PLA2G4E: variants seen among roughly 807,000 people sequenced by gnomAD.
The protein encoded by PLA2G4E is cytosolic phospholipase A2 epsilon.
PLA2G4E carries 84 observed loss-of-function variants against 109.1 expected under a neutral mutation model. The observed-to-expected ratio is 0.77, with a 90% CI of 0.65 to 0.92. PLA2G4E has a LOEUF of 0.92. Among genes scored for constraint, PLA2G4E ranks in the 40% least tolerant of loss-of-function variants. The probability of loss-of-function intolerance (pLI) is 0.00; values close to 1 mark genes in which losing one functional copy is unlikely to be tolerated. For synonymous variants in PLA2G4E, 469 were observed against 436.1 expected (o/e 1.08, Z -0.94); for missense variants, 1,057 against 1,076.6 (o/e 0.98, Z 0.25).
intron 2 of PLA2G4E, 98 bp downstream of exon 2, chr15:42,013,587 A>C: frequency 9.6e-7 from 1 of 1,038,476 alleles, no homozygotes. Context: ...GTGCGCGCGC[A>C]CACACACACA....
At chr15:41,990,747 T>TTC (rs2068233228) in intron 13 of PLA2G4E, among the ~76,000 whole-genome samples, 4 of 5,232 alleles carry the variant, frequency 7.6e-4, no homozygotes, top group African/African-American at 2.0e-3. Context: ...TTCCCTTCTT[T>TTC]TTTTTTTTTT....
intron 11 of PLA2G4E, among the ~76,000 whole-genome samples, chr15:41,996,920 C>A (rs1436305129): frequency 6.6e-6 from 1 of 152,206 alleles, no homozygotes; most frequent in Non-Finnish European, 1.5e-5. Context: ...TCTGTCCTTT[C>A]TGTCTCCATT....
intron 1 of PLA2G4E, among the ~76,000 whole-genome samples, chr15:42,019,673 T>C (rs1319172423): frequency 6.6e-6 from 1 of 152,184 alleles, no homozygotes; most frequent in African/African-American, 2.4e-5. Context: ...AAGGAGACCA[T>C]TGGGAGGGGA....
intron 1 of PLA2G4E, among the ~76,000 whole-genome samples, chr15:42,035,636 T>C (rs2141073433): frequency 6.6e-6 from 1 of 152,226 alleles, no homozygotes; most frequent in South Asian, 2.1e-4. Flanking sequence ...GGCTCGGCAC[T>C]TGGGCTTCAG....
At chr15:42,002,287 A>AAAAAAAAAAAAAAAAAAT (rs1555386330) in intron 6 of PLA2G4E, among the ~76,000 whole-genome samples, 1 of 140,892 alleles carries the variant, frequency 7.1e-6, no homozygotes, top group African/African-American at 2.8e-5. Context: ...AAAAAAAAAA[A>AAAAAAAAAAAAAAAAAAT]GGTAAACTGT....
intron 12 of PLA2G4E, among the ~76,000 whole-genome samples, chr15:41,994,063 C>T (rs2068296685): frequency 1.3e-5 from 2 of 152,186 alleles, no homozygotes; most frequent in South Asian, 4.1e-4. Context: ...CGGGGGCAGC[C>T]ATTTAGCATG....
chr15:42,008,295 A>G (rs2068497901), intron 2 of PLA2G4E, among the ~76,000 whole-genome samples: 1 of 152,208 alleles, frequency 6.6e-6, no homozygotes, highest in African/African-American at 2.4e-5. Context: ...TGGGCTGAGG[A>G]GAAGTGAGGA....
intron 10 of PLA2G4E, chr15:41,998,242 T>C (rs1024894180): frequency 6.6e-6 from 1 of 152,280 alleles, no homozygotes. Flanking sequence ...TCATGTCTCC[T>C]CTTTGTCCAG....
At chr15:42,018,033 C>T (rs2068612973) in intron 1 of PLA2G4E, among the ~76,000 whole-genome samples, 1 of 152,202 alleles carries the variant, frequency 6.6e-6, no homozygotes, top group Non-Finnish European at 1.5e-5. Context: ...AGAGACATCC[C>T]AGCCGGATCA....
intron 1 of PLA2G4E, among the ~76,000 whole-genome samples, chr15:42,021,264 C>A (rs1238797503): frequency 4.0e-5 from 6 of 151,794 alleles, no homozygotes; most frequent in South Asian, 2.1e-4. Context: ...CAGTCTGTAG[C>A]CCCCAGCCAC....
intron 1 of PLA2G4E, among the ~76,000 whole-genome samples, chr15:42,022,994 G>T (rs189609557): frequency 3.4e-3 from 517 of 152,204 alleles, no homozygotes; most frequent in Non-Finnish European, 5.1e-3. Context: ...GTGAGCCTAG[G>T]CACCACTAGG....
chr15:42,002,922 GAGT>G (rs757500012), intron 5 of PLA2G4E, among the ~76,000 whole-genome samples: 34 of 152,210 alleles, frequency 2.2e-4, no homozygotes, highest in Non-Finnish European at 5.0e-4. Flanking sequence ...TAGGTTAGAA[GAGT>G]AGGAGAGTTC....
chr15:42,026,246 G>A (rs188243581), intron 1 of PLA2G4E, among the ~76,000 whole-genome samples: 1 of 152,112 alleles, frequency 6.6e-6, no homozygotes, highest in Non-Finnish European at 1.5e-5. Context: ...AAAATGGAGG[G>A]AACAGAGACA....
intron 16 of PLA2G4E, among the ~76,000 whole-genome samples, 197 bp downstream of exon 16, chr15:41,987,852 C>T (rs569091250): frequency 1.3e-5 from 2 of 152,208 alleles, no homozygotes; most frequent in Admixed American, 6.5e-5. Flanking sequence ...TTGTGGTCCA[C>T]ACCCCGCCCC....
At chr15:41,996,367 A>T (rs2068340638) in intron 11 of PLA2G4E, among the ~76,000 whole-genome samples, 1 of 149,752 alleles carries the variant, frequency 6.7e-6, no homozygotes, top group Non-Finnish European at 1.5e-5. Flanking sequence ...AAAAAAAAAA[A>T]AAAAAAAAAA....
intron 1 of PLA2G4E, among the ~76,000 whole-genome samples, chr15:42,027,560 T>C (rs1020272607): frequency 2.0e-5 from 3 of 152,208 alleles, no homozygotes; most frequent in Non-Finnish European, 2.9e-5. Context: ...TAAGCCACTC[T>C]CTACAGAAGA....
intron 6 of PLA2G4E, among the ~76,000 whole-genome samples, chr15:42,002,264 C>CAAAAAAAAA (rs71108143): frequency 1.8e-4 from 13 of 73,212 alleles, no homozygotes; most frequent in African/African-American, 8.0e-4. Context: ...GACCTTGTCT[C>CAAAAAAAAA]AAAAAAAAAA....
intron 1 of PLA2G4E, among the ~76,000 whole-genome samples, chr15:42,014,554 AG>A (rs1349648373): frequency 1.3e-5 from 2 of 152,166 alleles, no homozygotes; most frequent in African/African-American, 2.4e-5. Flanking sequence ...GGCTGCGGGA[AG>A]GGGGGTGACA....
intron 3 of PLA2G4E, 144 bp from the exon 4 acceptor site, chr15:42,006,265 A>G: frequency 9.7e-7 from 1 of 1,027,266 alleles, no homozygotes; most frequent in Non-Finnish European, 1.4e-6. Flanking sequence ...GATGTGACAG[A>G]CATTTGTAGG....
Sources: gnomAD v4.1 joint callset for allele counts (sites outside exome capture counted in the v4.1 genomes callset) on GRCh38, gnomAD v4.1.1 for gene constraint, MANE v1.5 for transcripts, NCBI Gene and HGNC (gene_info 2026-07-23, HGNC 2026-07-21) for gene names.